ABCG2: variants seen among roughly 807,000 people sequenced by gnomAD.
ABCG2 encodes ATP binding cassette subfamily G member 2 (JR blood group).
Under a neutral mutation model 73.5 loss-of-function variants are expected in ABCG2, and 80 were observed. The ratio of observed to expected loss-of-function variants is 1.09; its 90% CI spans 0.91 to 1.31. The LOEUF is 1.31. ABCG2 is among the 50% of genes most tolerant of loss of function. The pLI is 0.00. For synonymous variants in ABCG2, 269 were observed against 282.4 expected, an observed-to-expected ratio of 0.95 and a Z score of 0.48; for missense variants, 796 against 786.2, an observed-to-expected ratio of 1.01 and a Z score of -0.15.
chr4:88,102,525 C>T (rs60289878), intron 10 of ABCG2, among the ~76,000 whole-genome samples: 419 of 150,072 alleles, frequency 2.8e-3, no homozygotes, highest in African/African-American at 9.4e-3. Context: ...GAACCTGGGA[C>T]GTGGAGGTTG....
intron 6 of ABCG2, among the ~76,000 whole-genome samples, chr4:88,119,459 C>T (rs1261584344): frequency 1.3e-5 from 2 of 152,152 alleles, no homozygotes; most frequent in African/African-American, 4.8e-5. Context: ...AAGAAGAAGA[C>T]AGGAAGATGT....
At chr4:88,205,671 TTTTATTTA>T (rs146987121) in intron 1 of ABCG2, among the ~76,000 whole-genome samples, 4,855 of 150,442 alleles carry the variant, frequency 0.032, 154 homozygotes, top group East Asian at 0.073. Context: ...TCATTTTATC[TTTTATTTA>T]TTTATTTATT....
At chr4:88,115,256 C>CTCTCTCTCTCTCTCTCTCTCTATA (rs1309360818) in intron 7 of ABCG2, among the ~76,000 whole-genome samples, 198 bp from the exon 8 acceptor site, 66 of 69,842 alleles carry the variant, frequency 9.4e-4, no homozygotes, top group African/African-American at 3.2e-3. Flanking sequence ...CTCTCTCTCT[C>CTCTCTCTCTCTCTCTCTCTCTATA]TATATATATA....
At chr4:88,107,577 T>C (rs1483441407) in intron 9 of ABCG2, among the ~76,000 whole-genome samples, 1 of 152,214 alleles carries the variant, frequency 6.6e-6, no homozygotes, top group Non-Finnish European at 1.5e-5. Context: ...TTCAGGTTAC[T>C]GAGCTTGTGA....
intron 1 of ABCG2, among the ~76,000 whole-genome samples, chr4:88,181,597 G>T (rs1232354222): frequency 2.6e-5 from 4 of 151,964 alleles, no homozygotes; most frequent in African/African-American, 9.7e-5. Context: ...CTGGCGTGGT[G>T]GTGCACATCT....
chr4:88,167,227 C>T (rs1289187208), intron 1 of ABCG2, among the ~76,000 whole-genome samples: 1 of 151,996 alleles, frequency 6.6e-6, no homozygotes, highest in Non-Finnish European at 1.5e-5. Flanking sequence ...GGTTCCAAGA[C>T]TGAGTTTCCT....
chr4:88,228,719 C>G (rs925547693), intron 1 of ABCG2, among the ~76,000 whole-genome samples: 2 of 152,048 alleles, frequency 1.3e-5, no homozygotes, highest in African/African-American at 2.4e-5. Context: ...GGATTGTAAA[C>G]GCACCAATCA....
rs1370878361 is a variant in ABCG2, at chr4:88,213,715, G to A, written c.-20+17279C>T. Among the ~76,000 whole-genome samples, 6 of 151,602 alleles carry A rather than the reference G, an allele frequency of 4.0e-5. No homozygotes were observed. The East Asian group carries it at 9.7e-4, about 24-fold the overall frequency. The stretch of plus-strand genomic sequence containing the variant: ...TTGTTTGTTTTTGAGACAGAGTCTT[G>A]CTCTGTCTCCAGGCTAGAGTGCAGT... On this transcript the variant is annotated intron_variant, in intron 1 of 15. Transcript: ENST00000515655.
chr4:88,203,427 G>C (rs1729256643), intron 1 of ABCG2, among the ~76,000 whole-genome samples: 1 of 152,186 alleles, frequency 6.6e-6, no homozygotes, highest in Admixed American at 6.5e-5. Context: ...GGTTTAATTA[G>C]AATGTTCGAA....
At position 88,152,539 on chromosome 4, in the gene ABCG2, G is replaced by A. The variant is rs544626512; in HGVS notation, c.-20+5847C>T. Reference sequence around the variant, plus strand: ...GGGCGTCACAGGGTGCTCAGCGGGGGAGCTTTTGAGCCAGAATGAGCCAGG... The same window carrying A: ...GGGCGTCACAGGGTGCTCAGCGGGGAAGCTTTTGAGCCAGAATGAGCCAGG... On this transcript the variant is annotated intron_variant, in intron 1 of 15. Coordinates refer to ENST00000237612, the MANE Select transcript of ABCG2 (RefSeq NM_004827.3). Among the ~76,000 whole-genome samples the A allele has an allele frequency of 2.6e-5, 4 of 152,218 alleles. No homozygotes were observed. The East Asian group carries it at 7.7e-4, about 29-fold the overall frequency.
chr4:88,159,215 C>T (rs763371088), upstream of ABCG2: 1 of 456,226 alleles, frequency 2.2e-6, no homozygotes, highest in Admixed American at 2.3e-5. Flanking sequence ...CTCGTCTGAC[C>T]TAGCTGGGTT....
At chr4:88,187,994 T>C (rs1017253053) in intron 1 of ABCG2, among the ~76,000 whole-genome samples, 11 of 152,198 alleles carry the variant, frequency 7.2e-5, no homozygotes, top group Admixed American at 5.9e-4. Flanking sequence ...TGTGTGGTCA[T>C]GGGTTGGGGA....
At chr4:88,228,905 C>A (rs1730337190) in intron 1 of ABCG2, among the ~76,000 whole-genome samples, 1 of 128,166 alleles carries the variant, frequency 7.8e-6, no homozygotes, top group Non-Finnish European at 1.8e-5. Context: ...CCAATCAGCA[C>A]TCTGTCTAGC....
intron 1 of ABCG2, among the ~76,000 whole-genome samples, chr4:88,194,619 G>A (rs1012621336): frequency 2.1e-5 from 3 of 146,204 alleles, no homozygotes; most frequent in African/African-American, 7.5e-5. Flanking sequence ...TTGCTATACT[G>A]TCTTTGGAGT....
chr4:88,158,161 C>G (rs1325428035), intron 1 of ABCG2, among the ~76,000 whole-genome samples: 1 of 152,180 alleles, frequency 6.6e-6, no homozygotes, highest in Non-Finnish European at 1.5e-5. Context: ...ACTTAACACA[C>G]TATGGGACCC....
chr4:88,213,982 C>CTTTTTTT (rs33984842), intron 1 of ABCG2, among the ~76,000 whole-genome samples: 23 of 59,620 alleles, frequency 3.9e-4, no homozygotes, highest in Non-Finnish European at 5.4e-4. Flanking sequence ...CACGCCCGGC[C>CTTTTTTT]TTTTTTTTTT....
At chr4:88,154,536 G>T (rs1407073964) in intron 1 of ABCG2, among the ~76,000 whole-genome samples, 1 of 152,208 alleles carries the variant, frequency 6.6e-6, no homozygotes, top group East Asian at 1.9e-4. Flanking sequence ...AGCATAGCCT[G>T]CCTTTGCTGG....
At chr4:88,214,139 A>C (rs4693932) in intron 1 of ABCG2, among the ~76,000 whole-genome samples, 151,050 of 151,782 alleles carry the variant, frequency 1, 75,167 homozygotes, top group East Asian at 1. Flanking sequence ...AGGCGCATAC[A>C]ACCATGCCTG....
At chr4:88,152,708 C>T (rs548054594) in intron 1 of ABCG2, among the ~76,000 whole-genome samples, 28 of 152,044 alleles carry the variant, frequency 1.8e-4, no homozygotes, top group Non-Finnish European at 3.5e-4. Flanking sequence ...GATGGCTTAG[C>T]TTGGGCTCAG....
Sources: gnomAD v4.1 joint callset for allele counts (sites outside exome capture counted in the v4.1 genomes callset) on GRCh38, gnomAD v4.1.1 for gene constraint, MANE v1.5 for transcripts, NCBI Gene and HGNC (gene_info 2026-07-23, HGNC 2026-07-21) for gene names.